The following PCDHGA8 variants were observed in gnomAD, a reference collection of about 807,000 sequenced individuals.
PCDHGA8 encodes the protein protocadherin gamma subfamily A, 8, also known as protocadherin gamma-A8.
Under a neutral mutation model 59.2 loss-of-function variants are expected in PCDHGA8, and 45 were observed. The ratio of observed to expected loss-of-function variants is 0.76; its 90% CI spans 0.60 to 0.98. The LOEUF is 0.98. PCDHGA8 is among the 50% of genes least tolerant of loss of function. PCDHGA8 has a pLI of 0.00. For synonymous variants in PCDHGA8, 531 were observed against 519.0 expected (o/e 1.02, Z -0.32); for missense variants, 1,257 against 1,196.2 (o/e 1.05, Z -0.75).
chr5:141,415,102 A>C, intron 1 of PCDHGA8: 1 of 1,613,550 alleles, frequency 6.2e-7, no homozygotes. Flanking sequence ...AGACGCGCTC[A>C]AGCAAAGCCT....
chr5:141,481,691 C>G (rs929210528), intron 1 of PCDHGA8, among the ~76,000 whole-genome samples: 3 of 152,080 alleles, frequency 2.0e-5, no homozygotes, highest in African/African-American at 4.8e-5. Context: ...TGGTGGCTCA[C>G]GCCTGTAATC....
At position 141,464,471 on chromosome 5, in the gene PCDHGA8, G is replaced by A. The variant is rs142068327; in HGVS notation, c.2425-30336G>A. On this transcript the variant is annotated intron_variant, in intron 1 of 3. Coordinates refer to ENST00000398604, the MANE Select transcript of PCDHGA8 (RefSeq NM_032088.2). ...TTGTTGTTATTTTTGAAGTATGTAC[G>A]TATAATAAATTCCTAATAGTGTGAT... Among the ~76,000 whole-genome samples, 204 of 151,612 alleles carry A rather than the reference G, an allele frequency of 1.3e-3. 1 individual carries two copies. The highest frequency in any genetic ancestry group is 2.3e-3 in the Non-Finnish European group (156 of 67,928).
rs754946327 is a variant in PCDHGA8, at chr5:141,393,501, G to A, written c.688G>A (p.Val230Met). Residue 230 changes from valine (V) to methionine (M), a missense_variant, in exon 1 of 4, where the codon GTG becomes ATG. Physicochemically the swap from Val to Met is conservative, Grantham distance 21. Transcript: ENST00000398604. ...TCGCTCTAGCACAGTGCGCATCCAC[G>A]TGACAGTGTTGGATACAAATGACAA... is the stretch of plus-strand genomic sequence containing the variant. ...PPRSSTVRIH[V>M]TVLDTNDNAP... is the part of the protein sequence containing the mutation. 2 of 1,614,044 alleles carry A rather than the reference G, an allele frequency of 1.2e-6. No individual in the cohort carries two copies. The highest frequency in any genetic ancestry group is 1.7e-6 in the Non-Finnish European group (2 of 1,179,908).
intron 1 of PCDHGA8, among the ~76,000 whole-genome samples, chr5:141,470,997 A>G (rs905897657): frequency 3.8e-4 from 57 of 150,462 alleles, no homozygotes; most frequent in African/African-American, 1.3e-3. Flanking sequence ...GACTACAGGC[A>G]TGAGCCACTG....
chr5:141,408,060 T>G (rs2095034623), intron 1 of PCDHGA8: 1 of 1,324,738 alleles, frequency 7.5e-7, no homozygotes, highest in Admixed American at 2.9e-5. Flanking sequence ...GCCTCCCGGC[T>G]GCGCAGACCT....
rs767397479 is a variant in PCDHGA8 at position 141,430,717 on chromosome 5, T to C, written c.2424+35480T>C. On this transcript the variant is annotated intron_variant, in intron 1 of 3. Transcript: ENST00000398604. ...GCGAAGGAACTGCTCCTGACTTCAG[T>C]GGTTAAGGGCAGAATTGAAAATAAT... is the stretch of plus-strand genomic sequence containing the variant. The C allele has an allele frequency of 8.1e-6, 12 of 1,475,446 alleles. No individual in the cohort carries two copies. The East Asian group carries it at 2.4e-4, about 29-fold the overall frequency. 91.4% of individuals were successfully genotyped at this position (1,475,446 alleles called of 1,614,324 possible). A position where few individuals can be genotyped will look rare whatever the true frequency, so the allele number is the denominator to read the frequency against.
At position 141,460,912 on chromosome 5, in the gene PCDHGA8, G is replaced by GTA. The variant is rs34683754; in HGVS notation, c.2425-33883_2425-33882dup. ...TCGTGGCTGAGTAATATTCCATGGT[G>GTA]TATATATATATATGTGTGTGTGTAT... On this transcript the variant is annotated intron_variant, in intron 1 of 3. Coordinates refer to ENST00000398604, the MANE Select transcript of PCDHGA8 (RefSeq NM_032088.2). Among the ~76,000 whole-genome samples, 731 of 149,318 alleles carry GTA rather than the reference G, an allele frequency of 4.9e-3. 9 individuals carry two copies. Among genetic ancestry groups the GTA allele is most frequent in the African/African-American group, 0.016 (631 of 40,624 alleles).
At position 141,512,750 on chromosome 5, in the gene PCDHGA8, G is replaced by C. The variant is rs538475261; in HGVS notation, c.*1577G>C. The C allele has an allele frequency of 2.6e-5, 4 of 152,894 alleles. No homozygotes were observed. The highest frequency in any genetic ancestry group is 4.4e-5 in the Non-Finnish European group (3 of 68,656). 9.5% of individuals were successfully genotyped at this position (152,894 alleles called of 1,614,324 possible). ...AGCGGGCGGCGGGCTCCGCGCAGCC[G>C]TCTGTCCTTGATCTGCCCGCGGCGG... On this transcript the variant is annotated 3_prime_UTR_variant, in exon 4 of 4. Coordinates refer to ENST00000398604, the MANE Select transcript of PCDHGA8 (RefSeq NM_032088.2).
chr5:141,409,195 T>G lies in PCDHGA8; in HGVS notation c.2424+13958T>G, dbSNP rs750681435. 3.7e-6 allele frequency: 6 copies of G among 1,613,890 alleles called. No homozygotes were observed. The African/African-American group carries it at 8.0e-5, about 22-fold the overall frequency. On this transcript the variant is annotated intron_variant, in intron 1 of 3. Transcript: ENST00000398604. Reference sequence around the variant, plus strand: ...ACGGAGGTGGTCTCTCTACCCAGTGTAAAGTAATCATAGAAATCCTTGATG... The same window carrying G: ...ACGGAGGTGGTCTCTCTACCCAGTGGAAAGTAATCATAGAAATCCTTGATG...
intron 1 of PCDHGA8, chr5:141,492,023 C>T: frequency 1.8e-6 from 1 of 564,804 alleles, no homozygotes; most frequent in Non-Finnish European, 3.0e-6. Context: ...TCGGGGGTCC[C>T]GGGAGGAGGC....
chr5:141,471,730 G>A (rs535784858), intron 1 of PCDHGA8, among the ~76,000 whole-genome samples: 1 of 152,292 alleles, frequency 6.6e-6, no homozygotes, highest in East Asian at 1.9e-4. Context: ...GGTAAGGAAG[G>A]TTGGAGACAT....
At chr5:141,400,259 T>A (rs2150848027) in intron 1 of PCDHGA8, 2 of 1,614,016 alleles carry the variant, frequency 1.2e-6, no homozygotes, top group Non-Finnish European at 1.7e-6. Flanking sequence ...GCCTTGCGCC[T>A]GCGACGCTCC....
chr5:141,478,307 G>T, intron 1 of PCDHGA8: 3 of 1,614,056 alleles, frequency 1.9e-6, no homozygotes, highest in Non-Finnish European at 2.5e-6. Context: ...CCGAGCCCCG[G>T]TGAGCTCACT....
intron 1 of PCDHGA8, among the ~76,000 whole-genome samples, chr5:141,447,233 G>A (rs565398752): frequency 2.6e-5 from 4 of 152,028 alleles, no homozygotes; most frequent in Non-Finnish European, 4.4e-5. Flanking sequence ...TCCGCCTCCC[G>A]GGTTCAAGTG....
intron 1 of PCDHGA8, among the ~76,000 whole-genome samples, chr5:141,402,740 C>A (rs2094301178): frequency 6.6e-6 from 1 of 152,146 alleles, no homozygotes; most frequent in Non-Finnish European, 1.5e-5. Context: ...CGCTGTTGAT[C>A]AACTCTAAGC....
At chr5:141,404,508 C>T (rs2154535422) in intron 1 of PCDHGA8, 2 of 1,613,964 alleles carry the variant, frequency 1.2e-6, no homozygotes, top group Non-Finnish European at 1.7e-6. Flanking sequence ...GCTCTGTGCT[C>T]CTTTGACTAT....
rs1288507078 is a variant in PCDHGA8 at position 141,476,171 on chromosome 5, G to A, written c.2425-18636G>A. On this transcript the variant is annotated intron_variant, in intron 1 of 3. Transcript: ENST00000398604. This position sits in a 1 kb window ranked among gnomAD's most constrained non-coding sequence, Gnocchi z 7.6. ...GGTAAGCACCGGGAGGGTAGTGGGA[G>A]TTTTGCTTCTGCTTGGTGCCTTGAA... The A allele has an allele frequency of 1.2e-6, 2 of 1,613,442 alleles. No individual in the cohort carries two copies. The highest frequency in any genetic ancestry group is 1.7e-6 in the Non-Finnish European group (2 of 1,179,978).
rs201540226 is a variant in PCDHGA8, at chr5:141,399,196, G to T, written c.2424+3959G>T. On this transcript the variant is annotated intron_variant, in intron 1 of 3. Coordinates refer to ENST00000398604, the MANE Select transcript of PCDHGA8 (RefSeq NM_032088.2). ...ACTTGAAATGATTCTGGAAAACGCG[G>T]TGCCTGGAACACTAATTGCTTTGAT... The T allele has an allele frequency of 4.2e-5, 67 of 1,613,820 alleles. 1 individual carries two copies. In the African/African-American group the frequency reaches 5.7e-4, roughly 14 times the overall value.
intron 1 of PCDHGA8, chr5:141,484,931 A>G (rs940135310): frequency 1.4e-5 from 7 of 497,998 alleles, no homozygotes; most frequent in Non-Finnish European, 2.5e-5. Flanking sequence ...TGCTGTTGGG[A>G]CGTTCTCTGC....
Sources: allele counts gnomAD v4.1 joint callset (sites outside exome capture counted in the v4.1 genomes callset), GRCh38; gene constraint gnomAD v4.1.1; non-coding constraint Gnocchi (gnomAD v3.1); transcripts MANE v1.5; gene names NCBI Gene and HGNC (gene_info 2026-07-23, HGNC 2026-07-21).